DENND4A: variants seen among roughly 807,000 people sequenced by gnomAD.
The protein encoded by DENND4A is C-myc promoter-binding protein.
In DENND4A, 70 loss-of-function variants were observed where a neutral mutation model predicts 199.3. That is an observed-to-expected ratio of 0.35 (90% CI 0.29 to 0.43). The LOEUF is 0.43. Among genes scored for constraint, DENND4A ranks in the 20% least tolerant of loss-of-function variants. The pLI is 1.00. For missense variants in DENND4A, 1,723 were observed against 2,255.8 expected, an observed-to-expected ratio of 0.76 and a Z score of 4.78; for synonymous variants, 686 against 766.9, an observed-to-expected ratio of 0.89 and a Z score of 1.74.
chr15:65,694,042 G>A (rs963491084), intron 22 of DENND4A, among the ~76,000 whole-genome samples: 4 of 151,940 alleles, frequency 2.6e-5, no homozygotes, highest in Non-Finnish European at 4.4e-5. Context: ...AGGATAAAAA[G>A]TAAAGGCACA....
intron 3 of DENND4A, among the ~76,000 whole-genome samples, chr15:65,754,692 A>T (rs1373581280): frequency 6.6e-6 from 1 of 152,256 alleles, no homozygotes; most frequent in Non-Finnish European, 1.5e-5. Flanking sequence ...CCATCAAGTG[A>T]ATGCAAATCA....
In DENND4A at chr15:65,707,046, A is replaced by T. The variant is rs115128003; in HGVS notation, c.1954-822T>A. Among the ~76,000 whole-genome samples the T allele has an allele frequency of 1.7e-3, 266 of 152,286 alleles. 2 individuals carry two copies. The highest frequency in any genetic ancestry group is 6.0e-3 in the African/African-American group (249 of 41,580). On this transcript the variant is annotated intron_variant, in intron 14 of 32. Coordinates refer to ENST00000443035, the MANE Select transcript of DENND4A (RefSeq NM_001320835.1). ...GTGTGATAAGAATAGTGAATTCTAT[A>T]TATTTTTAAAATTTATACTAAATAT... is the stretch of plus-strand genomic sequence containing the variant.
chr15:65,685,635 A>G (rs1418879040), intron 23 of DENND4A, among the ~76,000 whole-genome samples: 2 of 152,230 alleles, frequency 1.3e-5, no homozygotes, highest in Admixed American at 1.3e-4. Flanking sequence ...ATGCTATGTA[A>G]ATAGTTCTTA....
chr15:65,727,452 CAAAAAAAAA>C (rs35066518), intron 11 of DENND4A, among the ~76,000 whole-genome samples: 2 of 68,770 alleles, frequency 2.9e-5, no homozygotes, highest in African/African-American at 1.2e-4. Context: ...GACTCCGTCT[CAAAAAAAAA>C]AAAAAAAAAA....
chr15:65,702,936 G>C lies in DENND4A; in HGVS notation c.2160C>G (p.Asn720Lys). 1.9e-6 allele frequency: 3 copies of C among 1,613,142 alleles called. No individual in the cohort carries two copies. The highest frequency in any genetic ancestry group is 2.5e-6 in the Non-Finnish European group (3 of 1,179,410). ...GACTACTTGATTTTGAAGGCAATTTGTTCTTCTTTGCTTGTAGAAATCCTT... is the reference window on the plus strand; with the variant it reads ...GACTACTTGATTTTGAAGGCAATTTCTTCTTCTTTGCTTGTAGAAATCCTT... ...RPEGFLQAKKNKLPSKSSSPN... is the reference protein window; with the variant it reads ...RPEGFLQAKKKKLPSKSSSPN... The change falls in exon 16 of 33, where the codon AAC becomes AAG. Residue 720 changes from asparagine (N) to lysine (K), a missense_variant. Coordinates refer to ENST00000443035, the MANE Select transcript of DENND4A (RefSeq NM_001320835.1).
chr15:65,702,562 T>A, intron 16 of DENND4A, 51 bp from the exon 17 acceptor site: 1 of 1,414,030 alleles, frequency 7.1e-7, no homozygotes, highest in Non-Finnish European at 9.8e-7. Flanking sequence ...TTAGGCATCT[T>A]TATTTAACTG....
chr15:65,711,244 A>G (rs902620368), intron 14 of DENND4A, among the ~76,000 whole-genome samples: 2 of 152,222 alleles, frequency 1.3e-5, no homozygotes, highest in Non-Finnish European at 2.9e-5. Flanking sequence ...GGCCACTCCT[A>G]TAAACCCAGC....
At chr15:65,748,347 G>C (rs1466384425) in intron 4 of DENND4A, among the ~76,000 whole-genome samples, 1 of 151,978 alleles carries the variant, frequency 6.6e-6, no homozygotes, top group East Asian at 1.9e-4. Flanking sequence ...GCTAAGCAAA[G>C]TCACTCATGC....
At chr15:65,780,301 T>C (rs1184746384) in intron 1 of DENND4A, among the ~76,000 whole-genome samples, 1 of 151,950 alleles carries the variant, frequency 6.6e-6, no homozygotes, top group Non-Finnish European at 1.5e-5. Flanking sequence ...CACACCTTAA[T>C]CCAAAAGAGA....
intron 29 of DENND4A, among the ~76,000 whole-genome samples, chr15:65,666,589 G>C (rs1460198416): frequency 6.6e-6 from 1 of 152,102 alleles, no homozygotes; most frequent in Non-Finnish European, 1.5e-5. Context: ...CCATGAATAA[G>C]GAGGGACTGC....
intron 14 of DENND4A, among the ~76,000 whole-genome samples, chr15:65,708,523 A>G (rs1567030175): frequency 1.3e-5 from 2 of 152,176 alleles, no homozygotes; most frequent in Non-Finnish European, 2.9e-5. Context: ...CTACTTATAT[A>G]CCAATAAAAT....
intron 1 of DENND4A, among the ~76,000 whole-genome samples, chr15:65,788,516 G>A (rs182170168): frequency 6.6e-6 from 1 of 152,044 alleles, no homozygotes; most frequent in Admixed American, 6.6e-5. Context: ...AGTTATTTGG[G>A]ATTTTCAGTA....
rs201378259 is a variant in DENND4A, at chr15:65,738,764, C to T, written c.743G>A (p.Ser248Asn). The T allele has an allele frequency of 1.8e-3, 2,913 of 1,612,814 alleles. 3 individuals are homozygous for T. Among genetic ancestry groups the T allele is most frequent in the Non-Finnish European group, 2.4e-3 (2,779 of 1,179,312 alleles). Residue 248 changes from serine (S) to asparagine (N), a missense_variant, in exon 6 of 33, where the codon AGC (serine) becomes AAC (asparagine). Ser to Asn is a conservative substitution (Grantham distance 46, BLOSUM62 1). Transcript: ENST00000443035. ...AGAAAATACAGGCAGAGGGTATTTG[C>T]TATTTGATGGCCAACATTCAATGGT... The part of the protein sequence containing the change: ...GATIECWPSN[S>N]KYPLPVFSTF...
At chr15:65,712,552 TG>T (rs1272269669) in intron 14 of DENND4A, among the ~76,000 whole-genome samples, 1 of 152,196 alleles carries the variant, frequency 6.6e-6, no homozygotes, top group African/African-American at 2.4e-5. Context: ...TGATTCCCAA[TG>T]TAGTATGTTT....
Position 65,696,443 on chromosome 15 carries a change from T to A in DENND4A, c.3005A>T (p.Tyr1002Phe). Residue 1002 changes from tyrosine (Y) to phenylalanine (F), a missense_variant, in exon 22 of 33, where the codon TAT (tyrosine) becomes TTT (phenylalanine). By Grantham distance (22) the Tyr-to-Phe change is conservative (BLOSUM62 3). Coordinates refer to ENST00000443035, the MANE Select transcript of DENND4A (RefSeq NM_001320835.1). ...GSADCLPKLS[Y>F]QNSSSIVRLT... is the part of the protein sequence containing the mutation. ...GCGAACGATACTGGAAGAATTTTGATAACTGAGCTTAGGAAGGCAATCAGC... is the reference window on the plus strand; with the variant it reads ...GCGAACGATACTGGAAGAATTTTGAAAACTGAGCTTAGGAAGGCAATCAGC... 6.2e-7 allele frequency: 1 copy of A among 1,612,846 alleles called. No homozygotes were observed. Among genetic ancestry groups the A allele is most frequent in the Non-Finnish European group, 8.5e-7 (1 of 1,179,156 alleles).
chr15:65,720,919 A>G (rs1393108550), intron 12 of DENND4A, among the ~76,000 whole-genome samples: 2 of 133,754 alleles, frequency 1.5e-5, no homozygotes, highest in African/African-American at 2.8e-5. Flanking sequence ...TCTGCCTTTC[A>G]CAAAAGTTGA....
At chr15:65,780,719 A>C (rs2140962326) in intron 1 of DENND4A, among the ~76,000 whole-genome samples, 1 of 152,372 alleles carries the variant, frequency 6.6e-6, no homozygotes, top group Admixed American at 6.5e-5. Flanking sequence ...GCATTGTTCT[A>C]AGTACTTTAC....
chr15:65,676,137 G>GAAAAAAA (rs929892402), intron 24 of DENND4A, among the ~76,000 whole-genome samples: 3 of 96,820 alleles, frequency 3.1e-5, no homozygotes, highest in African/African-American at 1.1e-4. Flanking sequence ...AAGTAATAAG[G>GAAAAAAA]AAAAATATAT....
intron 1 of DENND4A, chr15:65,766,836 G>T (rs2077000249): frequency 6.6e-6 from 1 of 152,168 alleles, no homozygotes; most frequent in Non-Finnish European, 1.5e-5. Context: ...CAGAACTACA[G>T]TGAGGATTCC....
Sources: allele counts gnomAD v4.1 joint callset (sites outside exome capture counted in the v4.1 genomes callset), GRCh38; gene constraint gnomAD v4.1.1; transcripts MANE v1.5; gene names NCBI Gene and HGNC (gene_info 2026-07-23, HGNC 2026-07-21).